RABGAP1L: variants seen among roughly 807,000 people sequenced by gnomAD.
The protein encoded by RABGAP1L is rab GTPase-activating protein 1-like.
Under a neutral mutation model 137.7 loss-of-function variants are expected in RABGAP1L, and 63 were observed. The ratio of observed to expected loss-of-function variants is 0.46; its 90% confidence interval spans 0.37 to 0.56. RABGAP1L has a LOEUF of 0.56. RABGAP1L is among the 20% of genes least tolerant of loss of function. The probability of loss-of-function intolerance (pLI) is 0.00; values close to 1 mark genes in which losing one functional copy is unlikely to be tolerated. For missense variants in RABGAP1L, 1,095 were observed against 1,244.0 expected, an observed-to-expected ratio of 0.88 and a Z score of 1.80; for synonymous variants, 431 against 433.7, an observed-to-expected ratio of 0.99 and a Z score of 0.08.
chr1:174,629,137 C>T (rs1673133860), intron 13 of RABGAP1L, among the ~76,000 whole-genome samples: 1 of 152,102 alleles, frequency 6.6e-6, no homozygotes, highest in South Asian at 2.1e-4. Context: ...ACTTTCTTGA[C>T]TCAAATATTT....
intron 13 of RABGAP1L, among the ~76,000 whole-genome samples, chr1:174,619,674 A>G (rs1572548585): frequency 6.6e-6 from 1 of 152,244 alleles, no homozygotes; most frequent in Non-Finnish European, 1.5e-5. Context: ...AGTACCAGCC[A>G]CTGCAAAATC....
Position 174,695,725 on chromosome 1 carries a change from A to G in RABGAP1L, c.1900-3800A>G, listed in dbSNP as rs894080239. Among the ~76,000 whole-genome samples the G allele has an allele frequency of 2.0e-5, 3 of 152,204 alleles. No individual in the cohort carries two copies. In the East Asian group the frequency reaches 5.8e-4, roughly 29 times the overall value. ...TATTTATTCCAGTCTTCATAGTCTG[A>G]ACTTATTTTTACCCGTCCTTCTTGA... is the stretch of plus-strand genomic sequence containing the variant. On this transcript the variant is annotated intron_variant, in intron 15 of 25. Transcript: ENST00000681986.
At chr1:174,282,165 A>C (rs1675629645) in intron 10 of RABGAP1L, among the ~76,000 whole-genome samples, 1 of 152,144 alleles carries the variant, frequency 6.6e-6, no homozygotes, top group Non-Finnish European at 1.5e-5. Flanking sequence ...TTTTGGGTTG[A>C]TACCAAGAAA....
rs1247271784 is a variant in RABGAP1L, at chr1:174,193,820, A to G, written c.-33-25305A>G. Among the ~76,000 whole-genome samples the G allele has an allele frequency of 2.6e-5, 4 of 152,208 alleles. No individual in the cohort carries two copies. The East Asian group carries it at 7.7e-4, about 29-fold the overall frequency. Reference sequence around the variant, plus strand: ...TTGAAATAGGAGCTTTTAAAATAGTATATATTTAAGGTGTAAAACATGATA... The same window carrying G: ...TTGAAATAGGAGCTTTTAAAATAGTGTATATTTAAGGTGTAAAACATGATA... On this transcript the variant is annotated intron_variant, in intron 1 of 25. Coordinates refer to ENST00000681986, the MANE Select transcript of RABGAP1L (RefSeq NM_001366446.1).
chr1:174,931,990 G>GTTTTTTTTTTTTTTTTTTTTT (rs532860564), intron 19 of RABGAP1L, among the ~76,000 whole-genome samples: 4 of 69,644 alleles, frequency 5.7e-5, no homozygotes, highest in Non-Finnish European at 1.1e-4. Context: ...TGCTTTTTTG[G>GTTTTTTTTTTTTTTTTTTTTT]TTTTTTTTTT....
At chr1:174,295,399 T>G (rs765657879) in intron 10 of RABGAP1L, among the ~76,000 whole-genome samples, 7 of 151,806 alleles carry the variant, frequency 4.6e-5, no homozygotes, top group Non-Finnish European at 8.8e-5. Context: ...CTTTCTTTTT[T>G]TTGAAATGGA....
At chr1:174,958,003 CA>C in intron 20 of RABGAP1L, 1 of 1,550,568 alleles carries the variant, frequency 6.4e-7, no homozygotes. Context: ...AAAAATGAAA[CA>C]AAAAGGAAAA....
At chr1:174,241,951 G>C (rs962727963) in intron 5 of RABGAP1L, among the ~76,000 whole-genome samples, 1 of 152,144 alleles carries the variant, frequency 6.6e-6, no homozygotes, top group African/African-American at 2.4e-5. Flanking sequence ...GACTATTTTT[G>C]CAGCTCTCTT....
chr1:174,348,082 T>A (rs1436303345), intron 11 of RABGAP1L, among the ~76,000 whole-genome samples: 1 of 152,042 alleles, frequency 6.6e-6, no homozygotes, highest in Non-Finnish European at 1.5e-5. Context: ...AGTATTCTCT[T>A]TCTTCCTATC....
At chr1:174,854,715 C>CTTT (rs71117584) in intron 19 of RABGAP1L, among the ~76,000 whole-genome samples, 8 of 56,844 alleles carry the variant, frequency 1.4e-4, no homozygotes, top group Admixed American at 2.4e-4. Context: ...AATATAAATG[C>CTTT]TTTTTTTTTT....
intron 1 of RABGAP1L, among the ~76,000 whole-genome samples, chr1:174,165,744 C>T (rs915881252): frequency 2.6e-5 from 4 of 152,090 alleles, no homozygotes; most frequent in African/African-American, 9.7e-5. Context: ...AACTGTCCTC[C>T]TGCCTCGGCC....
intron 13 of RABGAP1L, among the ~76,000 whole-genome samples, chr1:174,493,846 A>T (rs1435924559): frequency 6.7e-6 from 1 of 150,288 alleles, no homozygotes; most frequent in Admixed American, 6.6e-5. Flanking sequence ...AAAAAAGTAT[A>T]GGCAGAATGT....
intron 13 of RABGAP1L, among the ~76,000 whole-genome samples, chr1:174,499,707 C>G (rs912730417): frequency 2.6e-5 from 4 of 152,164 alleles, no homozygotes; most frequent in Non-Finnish European, 5.9e-5. Flanking sequence ...AGCGCAGTGC[C>G]TGGCACTTAT....
chr1:174,178,336 C>T (rs75718117), intron 1 of RABGAP1L, among the ~76,000 whole-genome samples: 36 of 152,056 alleles, frequency 2.4e-4, no homozygotes, highest in Non-Finnish European at 3.4e-4. Context: ...GAGACTTTGC[C>T]GAAGTTGCTT....
chr1:174,945,919 A>G (rs1444131113), intron 19 of RABGAP1L: 1 of 151,642 alleles, frequency 6.6e-6, no homozygotes, highest in Non-Finnish European at 1.5e-5. Flanking sequence ...AAAATATATT[A>G]TTTTCAGTCT....
intron 15 of RABGAP1L, among the ~76,000 whole-genome samples, chr1:174,696,839 G>A (rs1679296904): frequency 6.6e-6 from 1 of 152,196 alleles, no homozygotes; most frequent in Non-Finnish European, 1.5e-5. Context: ...TACTGTGATT[G>A]CTCACCTGAT....
chr1:174,408,700 C>T (rs920320409), intron 13 of RABGAP1L, among the ~76,000 whole-genome samples: 14 of 151,476 alleles, frequency 9.2e-5, no homozygotes, highest in Admixed American at 6.6e-5. Context: ...GTTAATTCCC[C>T]TTTCTCTGTA....
At chr1:174,322,536 G>T (rs778059409) in intron 11 of RABGAP1L, among the ~76,000 whole-genome samples, 1 of 152,114 alleles carries the variant, frequency 6.6e-6, no homozygotes, top group Non-Finnish European at 1.5e-5. Context: ...GAGGCTGCTT[G>T]GTTGTCCTTA....
chr1:174,349,870 C>CA (rs1682927806), intron 11 of RABGAP1L, among the ~76,000 whole-genome samples: 2 of 144,720 alleles, frequency 1.4e-5, no homozygotes, highest in Admixed American at 6.7e-5. Flanking sequence ...CTGACCCCCC[C>CA]ACCTCCCTCC....
Sources: gnomAD v4.1 joint callset for allele counts (sites outside exome capture counted in the v4.1 genomes callset) on GRCh38, gnomAD v4.1.1 for gene constraint, MANE v1.5 for transcripts, NCBI Gene and HGNC (gene_info 2026-07-23, HGNC 2026-07-21) for gene names.